SLC35F1: variants seen among roughly 807,000 people sequenced by gnomAD.
The protein encoded by SLC35F1 is chromosome 6 open reading frame 169.
Under a neutral mutation model 48.7 loss-of-function variants are expected in SLC35F1, and 14 were observed. That is an observed-to-expected ratio of 0.29 (90% CI 0.19 to 0.45). The LOEUF (loss-of-function observed/expected upper bound fraction) is 0.45, where lower values mean the gene tolerates loss of function less well. SLC35F1 is among the 20% of genes least tolerant of loss of function. The probability of loss-of-function intolerance (pLI) is 1.00; values close to 1 mark genes in which losing one functional copy is unlikely to be tolerated. For missense variants in SLC35F1, 404 were observed against 500.0 expected, an observed-to-expected ratio of 0.81 and a Z score of 1.83; for synonymous variants, 190 against 202.2, an observed-to-expected ratio of 0.94 and a Z score of 0.51.
intron 1 of SLC35F1, among the ~76,000 whole-genome samples, chr6:118,030,747 A>C (rs1467420194): frequency 6.6e-6 from 1 of 152,170 alleles, no homozygotes; most frequent in Non-Finnish European, 1.5e-5. Context: ...TGTAATTTAT[A>C]AAATTAAAGA....
At chr6:118,104,035 A>C (rs1009332597) in intron 1 of SLC35F1, among the ~76,000 whole-genome samples, 2 of 152,104 alleles carry the variant, frequency 1.3e-5, no homozygotes, top group African/African-American at 4.8e-5. Flanking sequence ...TTTAAATAGC[A>C]AGCACATGCA....
chr6:117,974,019 A>C (rs1430090281), intron 1 of SLC35F1, among the ~76,000 whole-genome samples: 1 of 152,172 alleles, frequency 6.6e-6, no homozygotes, highest in East Asian at 1.9e-4. Context: ...GGATGGTGCC[A>C]GTTTTACTGG....
chr6:118,314,372 T>C lies in SLC35F1; in HGVS notation c.*120T>C. 1.2e-6 allele frequency: 1 copy of C among 815,990 alleles called. No homozygotes were observed. Among genetic ancestry groups the C allele is most frequent in the Non-Finnish European group, 2.0e-6 (1 of 512,682 alleles). The allele number at this position is 815,990 out of a possible 1,614,324, so 50.5% of individuals were successfully genotyped here. On this transcript the variant is annotated 3_prime_UTR_variant, in exon 8 of 8. Coordinates refer to ENST00000360388, the MANE Select transcript of SLC35F1 (RefSeq NM_001029858.4). ...CAGTTTACACAGGTGGACTGCAAGG[T>C]AGCAAATCCTCCAAAAGCTTGTGAA...
At chr6:118,183,592 C>A (rs1450859166) in intron 2 of SLC35F1, among the ~76,000 whole-genome samples, 1 of 152,038 alleles carries the variant, frequency 6.6e-6, no homozygotes, top group Non-Finnish European at 1.5e-5. Flanking sequence ...AGTCAATACT[C>A]AATGGTGACC....
chr6:118,043,852 T>G (rs1162359178), intron 1 of SLC35F1, among the ~76,000 whole-genome samples: 1 of 152,228 alleles, frequency 6.6e-6, no homozygotes, highest in African/African-American at 2.4e-5. Flanking sequence ...AATAAATTGT[T>G]TTTCTCTCTG....
intron 2 of SLC35F1, among the ~76,000 whole-genome samples, chr6:118,224,489 AG>A (rs1031870866): frequency 1.3e-5 from 2 of 152,076 alleles, no homozygotes; most frequent in Admixed American, 6.6e-5. Flanking sequence ...CCACCTCCCA[AG>A]CTGAATGCAT....
rs1582578845 is a variant in SLC35F1 at position 117,946,484 on chromosome 6, C to T, written c.173+38585C>T. ...CTGGAGCTTGGGTAAGAATTCAGAT[C>T]CTATGACATTTAGTCCAGTGTTCTT... On this transcript the variant is annotated intron_variant, in intron 1 of 7. Coordinates refer to ENST00000360388, the MANE Select transcript of SLC35F1 (RefSeq NM_001029858.4). 2.0e-5 allele frequency among the ~76,000 whole-genome samples: 3 copies of T among 152,244 alleles called. No individual in the cohort carries two copies. In the South Asian group the frequency reaches 6.2e-4, roughly 32 times the overall value.
rs1409590262 is a variant in SLC35F1 at position 117,923,708 on chromosome 6, TACATATATAC to T, written c.173+15811_173+15820del. Among the ~76,000 whole-genome samples, 8 of 54,858 alleles carry T rather than the reference TACATATATAC, an allele frequency of 1.5e-4. 2 individuals are homozygous for T. Among genetic ancestry groups the T allele is most frequent in the African/African-American group, 2.8e-4 (4 of 14,156 alleles). 36.0% of individuals were successfully genotyped at this position (54,858 alleles called of 152,430 possible). A position where few individuals can be genotyped will look rare whatever the true frequency, so the allele number is the denominator to read the frequency against. ...ATACATATGTACATATACATATATGTACATATATACATATATACATATGTATATATACATA... is the reference window on the plus strand; with the variant it reads ...ATACATATGTACATATACATATATGTATATATACATATGTATATATACATA... On this transcript the variant is annotated intron_variant, in intron 1 of 7. Transcript: ENST00000360388.
rs78055371 is a variant in SLC35F1 at position 117,927,583 on chromosome 6, A to G, written c.173+19684A>G. Among the ~76,000 whole-genome samples, 3 of 152,302 alleles carry G rather than the reference A, an allele frequency of 2.0e-5. No individual in the cohort carries two copies. The East Asian group carries it at 5.8e-4, about 29-fold the overall frequency. Reference sequence around the variant, plus strand: ...AGACCTGTGCTTTTGCAGTGAGAACATTCTGCAGAGACACACCTGGAAGCT... The same window carrying G: ...AGACCTGTGCTTTTGCAGTGAGAACGTTCTGCAGAGACACACCTGGAAGCT... On this transcript the variant is annotated intron_variant, in intron 1 of 7. Transcript: ENST00000360388.
In SLC35F1 at chr6:117,999,263, G is replaced by C; in HGVS notation, c.173+91364G>C. ...AGTCAGCTGCAAGCTCGATCGACAT[G>C]CCTACGTTGCCCACCCCAAGCTTGG... On this transcript the variant is annotated intron_variant, in intron 1 of 7. Transcript: ENST00000360388. 2.5e-6 allele frequency: 4 copies of C among 1,595,806 alleles called. No individual in the cohort carries two copies. In the South Asian group the frequency reaches 4.4e-5, roughly 18 times the overall value.
intron 2 of SLC35F1, among the ~76,000 whole-genome samples, chr6:118,187,425 T>C (rs2114518419): frequency 6.6e-6 from 1 of 152,290 alleles, no homozygotes; most frequent in East Asian, 1.9e-4. Context: ...AGCAGATAAG[T>C]GAAAGTGAAA....
chr6:118,220,151 G>C (rs1024235450), intron 2 of SLC35F1, among the ~76,000 whole-genome samples: 1 of 151,816 alleles, frequency 6.6e-6, no homozygotes, highest in Non-Finnish European at 1.5e-5. Context: ...ATGTACCCTA[G>C]AACTTAAAGT....
At chr6:118,090,290 C>T (rs1773054188) in intron 1 of SLC35F1, among the ~76,000 whole-genome samples, 1 of 152,108 alleles carries the variant, frequency 6.6e-6, no homozygotes, top group African/African-American at 2.4e-5. Flanking sequence ...TTTTGAATGC[C>T]TACCATGTAA....
intron 4 of SLC35F1, among the ~76,000 whole-genome samples, chr6:118,274,078 C>T (rs962837373): frequency 6.6e-6 from 1 of 152,204 alleles, no homozygotes; most frequent in African/African-American, 2.4e-5. Context: ...AGAACCCAGG[C>T]TCATCGGGGA....
At chr6:118,182,561 A>AAGGAAGGAAGGAAGGC (rs1774597278) in intron 2 of SLC35F1, among the ~76,000 whole-genome samples, 1 of 148,014 alleles carries the variant, frequency 6.8e-6, no homozygotes, top group African/African-American at 2.6e-5. Flanking sequence ...GGAAGGAAGG[A>AAGGAAGGAAGGAAGGC]AGAAAAAAAG....
At chr6:118,279,138 A>G (rs1398812024) in intron 6 of SLC35F1, among the ~76,000 whole-genome samples, 2 of 152,232 alleles carry the variant, frequency 1.3e-5, no homozygotes, top group South Asian at 2.1e-4. Context: ...GTATTTCAAA[A>G]TAGCTAGAAG....
At chr6:118,180,677 A>G (rs1174552141) in intron 2 of SLC35F1, among the ~76,000 whole-genome samples, 4 of 152,156 alleles carry the variant, frequency 2.6e-5, no homozygotes, top group Non-Finnish European at 5.9e-5. Context: ...AAAAATAGAA[A>G]GATGAAAATA....
At chr6:117,952,513 G>A (rs1776375075) in intron 1 of SLC35F1, among the ~76,000 whole-genome samples, 1 of 152,162 alleles carries the variant, frequency 6.6e-6, no homozygotes, top group Admixed American at 6.5e-5. Flanking sequence ...AACTTGGCTT[G>A]ATTAATCCCT....
At chr6:118,012,886 T>C (rs1300818797) in intron 1 of SLC35F1, among the ~76,000 whole-genome samples, 1 of 151,852 alleles carries the variant, frequency 6.6e-6, no homozygotes, top group Non-Finnish European at 1.5e-5. Flanking sequence ...TAGCCTTCTA[T>C]GGTGGTTACT....
Sources: gnomAD v4.1 joint callset for allele counts (sites outside exome capture counted in the v4.1 genomes callset) on GRCh38, gnomAD v4.1.1 for gene constraint, MANE v1.5 for transcripts, NCBI Gene and HGNC (gene_info 2026-07-23, HGNC 2026-07-21) for gene names.